Variants in PHF21B observed in about 807,000 individuals in gnomAD.
The protein encoded by PHF21B is PHD finger protein 21B.
A neutral mutation model predicts 62.2 loss-of-function variants in PHF21B; 22 were observed. The observed-to-expected ratio is 0.35, with a 90% CI of 0.25 to 0.51. The LOEUF (loss-of-function observed/expected upper bound fraction) is 0.51, where lower values mean the gene tolerates loss of function less well. PHF21B is among the 20% of genes least tolerant of loss of function. The probability of loss-of-function intolerance (pLI) is 0.97; values close to 1 mark genes in which losing one functional copy is unlikely to be tolerated. For synonymous variants in PHF21B, 341 were observed against 314.7 expected, an observed-to-expected ratio of 1.08 and a Z score of -0.88; for missense variants, 701 against 707.9, an observed-to-expected ratio of 0.99 and a Z score of 0.11.
intron 9 of PHF21B, 82 bp downstream of exon 9, chr22:44,889,678 T>C (rs751267683): frequency 2.0e-5 from 30 of 1,488,460 alleles, no homozygotes; most frequent in Non-Finnish European, 2.5e-5. Flanking sequence ...TCTTTCCCTC[T>C]TTCCAGGAGG....
intron 2 of PHF21B, among the ~76,000 whole-genome samples, chr22:44,985,629 AAAC>A (rs1313057437): frequency 2.6e-5 from 4 of 151,992 alleles, no homozygotes. Flanking sequence ...GAAAAAAGAA[AAAC>A]AACTCTAGTC....
intron 2 of PHF21B, among the ~76,000 whole-genome samples, chr22:44,951,735 C>T (rs2072198609): frequency 6.6e-6 from 1 of 152,192 alleles, no homozygotes; most frequent in Admixed American, 6.5e-5. Context: ...TAAAGAATGG[C>T]TAATGCTGAA....
intron 3 of PHF21B, among the ~76,000 whole-genome samples, chr22:44,918,514 G>A (rs775503814): frequency 4.6e-5 from 7 of 152,154 alleles, no homozygotes; most frequent in Admixed American, 1.3e-4. Context: ...GCCCCAGGCC[G>A]GGAAGCCCCC....
At chr22:44,927,567 C>G (rs1197582918) in intron 2 of PHF21B, among the ~76,000 whole-genome samples, 1 of 152,306 alleles carries the variant, frequency 6.6e-6, no homozygotes, top group South Asian at 2.1e-4. Flanking sequence ...GGTTCCTTTT[C>G]GAACACTGCC....
At chr22:44,977,321 T>C (rs2072755794) in intron 2 of PHF21B, among the ~76,000 whole-genome samples, 1 of 151,976 alleles carries the variant, frequency 6.6e-6, no homozygotes, top group Non-Finnish European at 1.5e-5. Context: ...TCCCAGCACT[T>C]TGGGAGGCCG....
intron 5 of PHF21B, among the ~76,000 whole-genome samples, chr22:44,904,506 G>GTTGGCAGTGACTTTCCCTCGGCAGT (rs1555934863): frequency 1.7e-4 from 24 of 143,310 alleles, no homozygotes; most frequent in South Asian, 4.5e-4. Context: ...ACTTAACTGA[G>GTTGGCAGTGACTTTCCCTCGGCAGT]CTTCCAGAAG....
At chr22:44,883,666 T>C (rs543567456) in intron 12 of PHF21B, among the ~76,000 whole-genome samples, 10 of 152,228 alleles carry the variant, frequency 6.6e-5, no homozygotes, top group African/African-American at 2.2e-4. Flanking sequence ...TTTCTGCTCT[T>C]TCTCTCGCCT....
chr22:44,892,643 G>T (rs941962724), intron 7 of PHF21B, among the ~76,000 whole-genome samples: 2 of 152,332 alleles, frequency 1.3e-5, no homozygotes, highest in Admixed American at 1.3e-4. Flanking sequence ...TCTGGACTTC[G>T]GAGCTCTAAG....
rs1412662040 is a variant in PHF21B at position 44,913,815 on chromosome 22, G to A, written c.831+7C>T. 5 of 1,611,514 alleles carry A rather than the reference G, an allele frequency of 3.1e-6. No individual in the cohort carries two copies. The highest frequency in any genetic ancestry group is 4.2e-6 in the Non-Finnish European group (5 of 1,179,164). On this transcript the variant is annotated splice_region_variant and intron_variant, in intron 5 of 12. Transcript: ENST00000313237. ...GGGCCTGGGCCCTCCGGAGAGGCCTGTCCTACCTCGGGGTTCTCCTGGGTC... is the reference window on the plus strand; with the variant it reads ...GGGCCTGGGCCCTCCGGAGAGGCCTATCCTACCTCGGGGTTCTCCTGGGTC...
At chr22:44,930,695 G>A (rs948243369) in intron 2 of PHF21B, among the ~76,000 whole-genome samples, 1 of 152,194 alleles carries the variant, frequency 6.6e-6, no homozygotes, top group African/African-American at 2.4e-5. Context: ...ATCCATCCAT[G>A]CCCAGGAGCT....
At chr22:44,974,504 C>T (rs1307529514) in intron 2 of PHF21B, among the ~76,000 whole-genome samples, 4 of 152,130 alleles carry the variant, frequency 2.6e-5, no homozygotes, top group South Asian at 4.1e-4. Context: ...CCCAAACAGC[C>T]GACATACCCA....
At chr22:44,888,904 G>A (rs2147250526) in intron 9 of PHF21B, among the ~76,000 whole-genome samples, 1 of 152,350 alleles carries the variant, frequency 6.6e-6, no homozygotes, top group Non-Finnish European at 1.5e-5. Flanking sequence ...CTGCCTCAAA[G>A]CCGAGGCCCT....
At chr22:44,957,551 T>C (rs982927888) in intron 2 of PHF21B, among the ~76,000 whole-genome samples, 2 of 152,206 alleles carry the variant, frequency 1.3e-5, no homozygotes, top group African/African-American at 2.4e-5. Flanking sequence ...CCTCTCTTTC[T>C]TCTACCGCTG....
chr22:44,916,586 CG>C lies in PHF21B; in HGVS notation c.257del (p.Pro86ArgfsTer58). The C allele has an allele frequency of 6.2e-7, 1 of 1,604,626 alleles. No homozygotes were observed. On this transcript the variant is annotated frameshift_variant, in exon 4 of 13. Transcript: ENST00000313237. LOFTEE classifies it high-confidence loss of function. ...TLIPDSLPVA[P>X]GRDRPPKQPP... is the part of the protein sequence containing the mutation. ...GCTGCTTGGGTGGCCGGTCCCGGCC[CG>C]GGGCAACGGGGAGGCTGTCTGGAAT...
In PHF21B at chr22:44,961,498, A is replaced by G. The variant is rs1031118718; in HGVS notation, c.121-41008T>C. Among the ~76,000 whole-genome samples the G allele has an allele frequency of 3.0e-4, 46 of 152,158 alleles. 1 individual carries two copies. The highest frequency in any genetic ancestry group is 1.0e-3 in the African/African-American group (43 of 41,508). ...ATCTAATGTTTAGCTCTTACTTCCA[A>G]GTGAAAACGTGGTAATTGGTTTTCT... On this transcript the variant is annotated intron_variant, in intron 2 of 12. Transcript: ENST00000313237.
chr22:44,989,446 C>T (rs1279093502), intron 2 of PHF21B: 1 of 152,074 alleles, frequency 6.6e-6, no homozygotes, highest in East Asian at 1.9e-4. Flanking sequence ...TGGCAATGCC[C>T]AATACCTCAA....
chr22:44,974,317 G>C (rs1422874509), intron 2 of PHF21B, among the ~76,000 whole-genome samples: 1 of 151,976 alleles, frequency 6.6e-6, no homozygotes, highest in African/African-American at 2.4e-5. Flanking sequence ...GGGAGGCTGA[G>C]GCAGGAGGGT....
In PHF21B at chr22:44,914,709, G is replaced by C. The variant is rs939227489; in HGVS notation, c.565-621C>G. Among the ~76,000 whole-genome samples the C allele has an allele frequency of 3.3e-5, 5 of 152,168 alleles. No homozygotes were observed. The South Asian group carries it at 8.3e-4, about 25-fold the overall frequency. Reference sequence around the variant, plus strand: ...CATGAGGCCCCTCACGTGGTGGATGGGGAAGGGGAAGGGGGTCTTCAGATG... The same window carrying C: ...CATGAGGCCCCTCACGTGGTGGATGCGGAAGGGGAAGGGGGTCTTCAGATG... On this transcript the variant is annotated intron_variant, in intron 4 of 12. Transcript: ENST00000313237.
At chr22:44,959,537 C>T (rs1163966258) in intron 2 of PHF21B, among the ~76,000 whole-genome samples, 7 of 152,206 alleles carry the variant, frequency 4.6e-5, no homozygotes, top group African/African-American at 4.8e-5. Context: ...CTGGCTGCCC[C>T]GGCTCTGACC....
Sources: allele counts gnomAD v4.1 joint callset (sites outside exome capture counted in the v4.1 genomes callset), GRCh38; gene constraint gnomAD v4.1.1; transcripts MANE v1.5; gene names NCBI Gene and HGNC (gene_info 2026-07-23, HGNC 2026-07-21).